The following STXBP5L variants were observed in gnomAD, a reference collection of about 807,000 sequenced individuals.
STXBP5L encodes the protein syntaxin binding protein 5L.
A neutral mutation model predicts 144.5 loss-of-function variants in STXBP5L; 65 were observed. The ratio of observed to expected loss-of-function variants is 0.45; its 90% CI spans 0.37 to 0.55. STXBP5L has a LOEUF of 0.55. Among genes scored for constraint, STXBP5L ranks in the 20% least tolerant of loss-of-function variants. STXBP5L has a pLI of 0.00. For synonymous variants in STXBP5L, 505 were observed against 469.6 expected (o/e 1.08, Z -0.97); for missense variants, 1,298 against 1,405.5 (o/e 0.92, Z 1.22).
At chr3:120,951,737 G>A (rs1422764263) in intron 2 of STXBP5L, among the ~76,000 whole-genome samples, 1 of 152,064 alleles carries the variant, frequency 6.6e-6, no homozygotes, top group East Asian at 1.9e-4. Flanking sequence ...CATTGTGGAA[G>A]TCAGTGTGGC....
intron 10 of STXBP5L, among the ~76,000 whole-genome samples, chr3:121,218,127 A>G (rs1252179979): frequency 7.1e-6 from 1 of 141,284 alleles, no homozygotes; most frequent in Non-Finnish European, 1.5e-5. Flanking sequence ...GTATAATATA[A>G]TATGTAGTAT....
In STXBP5L at chr3:121,381,357, T is replaced by C. The variant is rs755473258; in HGVS notation, c.2412T>C (p.Ser804=). 5.0e-6 allele frequency: 8 copies of C among 1,608,336 alleles called. No individual in the cohort carries two copies. In the South Asian group the frequency reaches 7.8e-5, roughly 16 times the overall value. Reference sequence around the variant, plus strand: ...GTATCTCCAGTATTGACAAAGATTCTAAAGAAGCAATTACAGCACTATACT... The same window carrying C: ...GTATCTCCAGTATTGACAAAGATTCCAAAGAAGCAATTACAGCACTATACT... The part of the protein sequence containing the change: ...SSSISSIDKD[S]KEAITALYFM... Residue 804 remains serine (S), a synonymous_variant, in exon 22 of 27, where the codon TCT becomes TCC. Coordinates refer to ENST00000471454, the MANE Select transcript of STXBP5L (RefSeq NM_001308330.2).
At chr3:121,075,642 A>G (rs918937015) in intron 5 of STXBP5L, among the ~76,000 whole-genome samples, 1 of 152,226 alleles carries the variant, frequency 6.6e-6, no homozygotes, top group South Asian at 2.1e-4. Context: ...TAAGACTTGC[A>G]GAGTCTCTCA....
At chr3:121,196,470 G>T (rs575428521) in intron 9 of STXBP5L, among the ~76,000 whole-genome samples, 4 of 152,014 alleles carry the variant, frequency 2.6e-5, no homozygotes, top group African/African-American at 9.6e-5. Context: ...AAAAACGGAG[G>T]TCTTTCCTTT....
chr3:121,352,907 G>T (rs112511477), intron 20 of STXBP5L, among the ~76,000 whole-genome samples: 2 of 152,050 alleles, frequency 1.3e-5, no homozygotes, highest in South Asian at 2.1e-4. Flanking sequence ...GTTGAGTTTT[G>T]TCAAAGGCCT....
chr3:121,017,794 G>T (rs992610607), intron 3 of STXBP5L, among the ~76,000 whole-genome samples: 2 of 152,082 alleles, frequency 1.3e-5, no homozygotes, highest in African/African-American at 4.8e-5. Flanking sequence ...AAATGGGGGG[G>T]TGGTGAAGGT....
chr3:121,053,827 G>T (rs1043356497), intron 5 of STXBP5L, among the ~76,000 whole-genome samples: 1 of 151,736 alleles, frequency 6.6e-6, no homozygotes, highest in Non-Finnish European at 1.5e-5. Flanking sequence ...GAAAATTTTC[G>T]CAACCTACTC....
At chr3:120,991,041 G>T (rs1175379756) in intron 3 of STXBP5L, among the ~76,000 whole-genome samples, 1 of 151,774 alleles carries the variant, frequency 6.6e-6, no homozygotes, top group Non-Finnish European at 1.5e-5. Context: ...GAGTGAACAG[G>T]CAACCTACAG....
intron 19 of STXBP5L, among the ~76,000 whole-genome samples, chr3:121,295,558 T>C: frequency 6.6e-6 from 1 of 152,098 alleles, no homozygotes; most frequent in East Asian, 1.9e-4. Context: ...AACAAAAACA[T>C]ACAAAATACG....
At chr3:121,064,058 G>A (rs1477016103) in intron 5 of STXBP5L, among the ~76,000 whole-genome samples, 1 of 152,164 alleles carries the variant, frequency 6.6e-6, no homozygotes, top group African/African-American at 2.4e-5. Context: ...CCTCCAGCTA[G>A]CTCGGTGTCT....
At chr3:120,998,961 T>A (rs1294766231) in intron 3 of STXBP5L, among the ~76,000 whole-genome samples, 2 of 152,154 alleles carry the variant, frequency 1.3e-5, no homozygotes, top group Non-Finnish European at 1.5e-5. Flanking sequence ...TCTGCTTAAT[T>A]TCATTGTTTA....
intron 22 of STXBP5L, among the ~76,000 whole-genome samples, chr3:121,387,176 T>C (rs962857023): frequency 2.0e-5 from 3 of 152,220 alleles, no homozygotes; most frequent in African/African-American, 4.8e-5. Flanking sequence ...CATTTTTTCA[T>C]GTGTCTGTTG....
intron 22 of STXBP5L, among the ~76,000 whole-genome samples, chr3:121,396,932 T>C (rs2108722772): frequency 6.6e-6 from 1 of 152,360 alleles, no homozygotes; most frequent in East Asian, 1.9e-4. Context: ...GCATTTTCAA[T>C]TAACTGTGTG....
chr3:121,033,540 G>A (rs933155333), intron 3 of STXBP5L, among the ~76,000 whole-genome samples: 4 of 139,628 alleles, frequency 2.9e-5, no homozygotes, highest in Non-Finnish European at 6.1e-5. Context: ...CCTGCACAAT[G>A]TGAACATGTA....
intron 5 of STXBP5L, among the ~76,000 whole-genome samples, chr3:121,070,677 C>T (rs1040477832): frequency 6.6e-6 from 1 of 152,060 alleles, no homozygotes; most frequent in African/African-American, 2.4e-5. Context: ...AGACATACCC[C>T]ACGACCCGAA....
intron 3 of STXBP5L, among the ~76,000 whole-genome samples, chr3:120,997,619 G>A (rs564053450): frequency 6.6e-6 from 1 of 152,168 alleles, no homozygotes; most frequent in East Asian, 1.9e-4. Context: ...ATTTTTAGTG[G>A]GGTTGTTTGT....
At chr3:121,027,751 A>G (rs1213849721) in intron 3 of STXBP5L, among the ~76,000 whole-genome samples, 2 of 152,020 alleles carry the variant, frequency 1.3e-5, no homozygotes, top group African/African-American at 4.8e-5. Context: ...CCTTCATTCC[A>G]TCTGCAACCT....
chr3:120,977,878 T>C (rs1941265727), intron 3 of STXBP5L, among the ~76,000 whole-genome samples: 1 of 152,196 alleles, frequency 6.6e-6, no homozygotes, highest in South Asian at 2.1e-4. Context: ...TGGCCCCCAC[T>C]CTCTTCTGGC....
intron 3 of STXBP5L, among the ~76,000 whole-genome samples, chr3:120,980,725 G>A (rs1941680188): frequency 6.6e-6 from 1 of 151,932 alleles, no homozygotes; most frequent in Non-Finnish European, 1.5e-5. Flanking sequence ...TCATATGTGA[G>A]GTTTTTGTCC....
Sources: allele counts gnomAD v4.1 joint callset (sites outside exome capture counted in the v4.1 genomes callset), GRCh38; gene constraint gnomAD v4.1.1; transcripts MANE v1.5; gene names NCBI Gene and HGNC (gene_info 2026-07-23, HGNC 2026-07-21).